Variants in PGBD1 observed in about 807,000 individuals in gnomAD.
PGBD1 encodes the protein piggyBac transposable element derived 1, also known as piggyBac transposable element-derived protein 1.
Under a neutral mutation model 34.7 loss-of-function variants are expected in PGBD1, and 25 were observed. The ratio of observed to expected loss-of-function variants is 0.72; its 90% CI spans 0.52 to 1.00. The LOEUF is 1.00. Ranked by LOEUF, PGBD1 falls within the 50% of genes least tolerant of loss-of-function variation. The probability of loss-of-function intolerance (pLI) is 0.00; values close to 1 mark genes in which losing one functional copy is unlikely to be tolerated. For missense variants in PGBD1, 830 were observed against 959.4 expected, an observed-to-expected ratio of 0.87 and a Z score of 1.78; for synonymous variants, 292 against 335.7, an observed-to-expected ratio of 0.87 and a Z score of 1.42.
chr6:28,297,851 TTCACATAACAGATGACA>T, intron 5 of PGBD1, 27 bp from the exon 6 acceptor site: 2 of 249,120 alleles, frequency 8.0e-6, no homozygotes, highest in South Asian at 4.6e-5. Flanking sequence ...TTTTTCAAAA[TTCACATAACAGATGACA>T]TTTAAATCAT....
At chr6:28,286,189 A>G (rs1319833456) in intron 3 of PGBD1, among the ~76,000 whole-genome samples, 1 of 152,232 alleles carries the variant, frequency 6.6e-6, no homozygotes, top group Non-Finnish European at 1.5e-5. Flanking sequence ...AACAACAGCA[A>G]TAAAAACATT....
chr6:28,296,408 C>T (rs984538923), intron 4 of PGBD1, among the ~76,000 whole-genome samples: 8 of 152,202 alleles, frequency 5.3e-5, no homozygotes, highest in African/African-American at 1.2e-4. Flanking sequence ...TGTCTTTAAT[C>T]GATGTAAGCT....
rs1278583666 is a variant in PGBD1 at position 28,301,891 on chromosome 6, A to G, written c.2037A>G (p.Glu679=). 2 of 1,614,078 alleles carry G rather than the reference A, an allele frequency of 1.2e-6. No homozygotes were observed. The highest frequency in any genetic ancestry group is 1.7e-6 in the Non-Finnish European group (2 of 1,180,052). The change falls in exon 7 of 7, where the codon GAA becomes GAG. Residue 679 remains glutamate, a synonymous_variant. Transcript: ENST00000682144. ...GAGGGTATTTTGATTTCCGAATAGA[A>G]GAAAACAATGAGATAATTTTGTGTC... ...MKRGYFDFRI[E]ENNEIILCRW...
chr6:28,301,243 C>T lies in PGBD1; in HGVS notation c.1389C>T (p.Val463=), dbSNP rs1561892908. Residue 463 remains valine, a synonymous_variant, in exon 7 of 7, where the codon GTC becomes GTT. Coordinates refer to ENST00000682144, the MANE Select transcript of PGBD1 (RefSeq NM_032507.4). ...AGGAAATGAGGTGTGTGTTTGGTGT[C>T]TTACTTTTGAGTGGATTTATGAGGC... The part of the protein sequence containing the change: ...TVQEMRCVFG[V]LLLSGFMRHP... 1 of 1,614,044 alleles carries T rather than the reference C, an allele frequency of 6.2e-7. No homozygotes were observed.
intron 4 of PGBD1, among the ~76,000 whole-genome samples, chr6:28,293,605 CTG>C (rs540011762): frequency 1.9e-4 from 29 of 152,114 alleles, no homozygotes; most frequent in Admixed American, 5.2e-4. Context: ...ACGTGACACT[CTG>C]TGTCACATTT....
In PGBD1 at chr6:28,302,222, T is replaced by C. The variant is rs967525952; in HGVS notation, c.2368T>C (p.Leu790=). The C allele has an allele frequency of 4.3e-6, 7 of 1,613,984 alleles. No homozygotes were observed. The highest frequency in any genetic ancestry group is 5.1e-6 in the Non-Finnish European group (6 of 1,179,990). The part of the protein sequence containing the change: ...ACNPGASLDP[L]DFRRFVAHFY... ...TAACCCAGGTGCTTCTCTAGACCCC[T>C]TGGATTTTCGGAGATTTGTTGCACA... The change falls in exon 7 of 7, where the codon TTG becomes CTG. Residue 790 remains leucine, a synonymous_variant. Transcript: ENST00000682144.
chr6:28,284,039 G>C lies in PGBD1; in HGVS notation c.226G>C (p.Glu76Gln). The C allele has an allele frequency of 6.2e-7, 1 of 1,614,186 alleles. No homozygotes were observed. The highest frequency in any genetic ancestry group is 8.5e-7 in the Non-Finnish European group (1 of 1,180,010). Residue 76 changes from glutamate to glutamine, a missense_variant, in exon 2 of 7, where the codon GAG (glutamate) becomes CAG (glutamine). Transcript: ENST00000682144. ...ACTTTGTCATCAATGGCTGAGACCG[G>C]AGATGCACACCAAGGAACAGATAAT... is the stretch of plus-strand genomic sequence containing the variant. ...RELCHQWLRP[E>Q]MHTKEQIMEL...
intron 5 of PGBD1, 123 bp downstream of exon 5, chr6:28,297,068 CCTCTGCCT>C (rs1762667982): frequency 9.2e-7 from 1 of 1,088,320 alleles, no homozygotes; most frequent in African/African-American, 1.6e-5. Context: ...CTTCTTCTGG[CCTCTGCCT>C]CCAGACTTCT....
At chr6:28,282,459 C>T (rs1150724) in intron 1 of PGBD1, among the ~76,000 whole-genome samples, 76,844 of 152,088 alleles carry the variant, frequency 0.51, 23,820 homozygotes, top group African/African-American at 0.87. Flanking sequence ...ATGGTCACAA[C>T]TGTGCTTTAG....
rs1454184756 is a variant in PGBD1 at position 28,301,772 on chromosome 6, A to C, written c.1918A>C (p.Lys640Gln). Residue 640 changes from lysine (K) to glutamine (Q), a missense_variant, in exon 7 of 7, where the codon AAA becomes CAA. Around this residue, in one of 3 missense-constraint regions of PGBD1, gnomAD observed 372 missense variants for 427.9 expected, o/e 0.87. Coordinates refer to ENST00000682144, the MANE Select transcript of PGBD1 (RefSeq NM_032507.4). The stretch of plus-strand genomic sequence containing the variant: ...AAGTGTCAAATTGTTGTCAGCCTTG[A>C]AAAAGAAGGGGGTGAGGGCAACAGG... ...FTSVKLLSAL[K>Q]KKGVRATGTI... The C allele has an allele frequency of 1.2e-6, 2 of 1,614,194 alleles. No individual in the cohort carries two copies. The highest frequency in any genetic ancestry group is 2.2e-5 in the South Asian group (2 of 91,086).
chr6:28,298,015 A>G (rs748575007), intron 6 of PGBD1, 24 bp downstream of exon 6: 1 of 1,456,686 alleles, frequency 6.9e-7, no homozygotes, highest in Non-Finnish European at 9.6e-7. Flanking sequence ...GTCCTCAGTG[A>G]ATCAAATCCT....
intron 4 of PGBD1, among the ~76,000 whole-genome samples, chr6:28,293,919 A>G (rs1000600442): frequency 6.6e-6 from 1 of 152,218 alleles, no homozygotes; most frequent in Non-Finnish European, 1.5e-5. Context: ...AGGAAGAGTC[A>G]CATGCCTCTC....
chr6:28,286,187 C>T (rs1352872751), intron 3 of PGBD1, among the ~76,000 whole-genome samples: 3 of 152,028 alleles, frequency 2.0e-5, no homozygotes, highest in South Asian at 2.1e-4. Context: ...GCAACAACAG[C>T]AATAAAAACA....
chr6:28,289,238 C>A (rs983266310), intron 4 of PGBD1, among the ~76,000 whole-genome samples: 1 of 151,946 alleles, frequency 6.6e-6, no homozygotes, highest in Non-Finnish European at 1.5e-5. Context: ...ACTTGTCTGG[C>A]AATAGACTTC....
rs143914040 is a variant in PGBD1 at position 28,302,039 on chromosome 6, G to A, written c.2185G>A (p.Val729Ile). 4 of 1,614,054 alleles carry A rather than the reference G, an allele frequency of 2.5e-6. No homozygotes were observed. The highest frequency in any genetic ancestry group is 3.4e-6 in the Non-Finnish European group (4 of 1,180,036). Residue 729 changes from valine (V) to isoleucine (I), a missense_variant, in exon 7 of 7, where the codon GTA becomes ATA. Physicochemically the swap from Val to Ile is conservative, Grantham distance 29. This residue lies in a region of PGBD1 where 372 missense variants were observed against 427.9 expected (regional missense o/e 0.87). Transcript: ENST00000682144. ...EIPQISQPSIVKVYDECKEGV... is the reference protein window; with the variant it reads ...EIPQISQPSIIKVYDECKEGV... ...CCCTCAGATAAGTCAACCATCCATAGTAAAAGTGTATGATGAATGCAAGGA... is the reference window on the plus strand; with the variant it reads ...CCCTCAGATAAGTCAACCATCCATAATAAAAGTGTATGATGAATGCAAGGA...
chr6:28,299,169 C>A (rs904145087), intron 6 of PGBD1, among the ~76,000 whole-genome samples: 14 of 152,048 alleles, frequency 9.2e-5, no homozygotes, highest in Admixed American at 2.0e-4. Context: ...TGCTATTGTG[C>A]CTGTAGGTAC....
rs570805248 is a variant in PGBD1, at chr6:28,284,393, T to C, written c.396+184T>C. On this transcript the variant is annotated intron_variant, in intron 2 of 6. Coordinates refer to ENST00000682144, the MANE Select transcript of PGBD1 (RefSeq NM_032507.4). Reference sequence around the variant, plus strand: ...CATTTGTTTGATGAAGTCCCATTGTTGTGTACACACTCGTACAAGGAAGTG... The same window carrying C: ...CATTTGTTTGATGAAGTCCCATTGTCGTGTACACACTCGTACAAGGAAGTG... 4.6e-5 allele frequency among the ~76,000 whole-genome samples: 7 copies of C among 150,712 alleles called. No homozygotes were observed. In the South Asian group the frequency reaches 1.5e-3, roughly 32 times the overall value.
intron 4 of PGBD1, among the ~76,000 whole-genome samples, chr6:28,296,024 G>A (rs1400619340): frequency 1.3e-5 from 2 of 152,180 alleles, no homozygotes; most frequent in African/African-American, 4.8e-5. Context: ...AAAGTAGATT[G>A]GAAAATGAGA....
rs141311101 is a variant in PGBD1 at position 28,284,009 on chromosome 6, C to T, written c.196C>T (p.Arg66Ter). The change falls in exon 2 of 7, where the codon CGA becomes TGA. Residue 66 changes from arginine to a stop codon, truncating the protein, a stop_gained. Coordinates refer to ENST00000682144, the MANE Select transcript of PGBD1 (RefSeq NM_032507.4). LOFTEE classifies it high-confidence loss of function. The stretch of plus-strand genomic sequence containing the variant: ...ACCCCAGGAAGCTCTGGCCCAACTC[C>T]GAGAACTTTGTCATCAATGGCTGAG... ...HGPQEALAQL[R>*]ELCHQWLRPE... The T allele has an allele frequency of 6.6e-4, 1,063 of 1,614,028 alleles. 1 individual carries two copies. The highest frequency in any genetic ancestry group is 8.1e-4 in the Non-Finnish European group (954 of 1,179,994).
Sources: allele counts gnomAD v4.1 joint callset (sites outside exome capture counted in the v4.1 genomes callset), GRCh38; gene constraint gnomAD v4.1.1; regional missense constraint gnomAD v4.1.1; transcripts MANE v1.5; gene names NCBI Gene and HGNC (gene_info 2026-07-23, HGNC 2026-07-21).